The following SLC16A10 variants were observed in gnomAD, a reference collection of about 807,000 sequenced individuals.
The protein encoded by SLC16A10 is monocarboxylate transporter 10.
Under a neutral mutation model 40.0 loss-of-function variants are expected in SLC16A10, and 27 were observed. That is an observed-to-expected ratio of 0.67 (90% confidence interval 0.50 to 0.93). The LOEUF is 0.93. Among genes scored for constraint, SLC16A10 ranks in the 40% least tolerant of loss-of-function variants. The probability of loss-of-function intolerance (pLI) is 0.00; values close to 1 mark genes in which losing one functional copy is unlikely to be tolerated. For synonymous variants in SLC16A10, 213 were observed against 249.8 expected (o/e 0.85, Z 1.39); for missense variants, 529 against 658.2 (o/e 0.80, Z 2.15).
intron 4 of SLC16A10, 76 bp downstream of exon 4, chr6:111,206,811 C>T: frequency 2.0e-6 from 3 of 1,507,922 alleles, no homozygotes; most frequent in Non-Finnish European, 2.7e-6. Context: ...TACTTACATG[C>T]TTAAATTCTT....
chr6:111,118,798 T>C (rs1412737796), intron 1 of SLC16A10, among the ~76,000 whole-genome samples: 1 of 145,704 alleles, frequency 6.9e-6, no homozygotes, highest in East Asian at 1.9e-4. Flanking sequence ...GCCACCTAAT[T>C]TTACTTGCCT....
At chr6:111,107,565 A>G (rs183326752) in intron 1 of SLC16A10, among the ~76,000 whole-genome samples, 2 of 152,358 alleles carry the variant, frequency 1.3e-5, no homozygotes, top group East Asian at 3.9e-4. Context: ...AATCTTGTTC[A>G]TGCTGTAATT....
chr6:111,172,970 T>C (rs533185542), intron 2 of SLC16A10, 131 bp downstream of exon 2: 1 of 1,172,778 alleles, frequency 8.5e-7, no homozygotes, highest in African/African-American at 1.5e-5. Context: ...CAATATGACT[T>C]ATAAAACAAA....
chr6:111,098,426 T>G (rs1771115314), intron 1 of SLC16A10, among the ~76,000 whole-genome samples: 1 of 152,116 alleles, frequency 6.6e-6, no homozygotes, highest in Admixed American at 6.5e-5. Context: ...CATTAAAAAG[T>G]GTAGTAAAAT....
chr6:111,100,952 TTCTCTCCCTCTCTCTCTC>T (rs1275903089), intron 1 of SLC16A10, among the ~76,000 whole-genome samples: 37 of 81,620 alleles, frequency 4.5e-4, no homozygotes, highest in African/African-American at 1.5e-3. Context: ...CTCTCGCTCT[TTCTCTCCCTCTCTCTCTC>T]TCTCTCTCTC....
chr6:111,101,177 C>T (rs1376465979), intron 1 of SLC16A10, among the ~76,000 whole-genome samples: 8 of 151,624 alleles, frequency 5.3e-5, no homozygotes, highest in Non-Finnish European at 8.8e-5. Context: ...ACTACAGGGG[C>T]ATGCCGCTAC....
intron 1 of SLC16A10, among the ~76,000 whole-genome samples, chr6:111,124,898 T>A (rs1228733010): frequency 6.6e-6 from 1 of 152,108 alleles, no homozygotes; most frequent in Non-Finnish European, 1.5e-5. Context: ...ACTGTCAGAG[T>A]TCAAGGTCAG....
At chr6:111,162,953 C>T (rs1772397035) in intron 1 of SLC16A10, among the ~76,000 whole-genome samples, 1 of 151,944 alleles carries the variant, frequency 6.6e-6, no homozygotes, top group Admixed American at 6.6e-5. Flanking sequence ...ATGTCACAAT[C>T]TCCAAAGTTA....
rs145123749 is a variant in SLC16A10 at position 111,174,276 on chromosome 6, T to C, written c.488+1437T>C. Among the ~76,000 whole-genome samples, 54 of 152,268 alleles carry C rather than the reference T, an allele frequency of 3.5e-4. 1 individual carries two copies. In the East Asian group the frequency reaches 9.6e-3, roughly 27 times the overall value. On this transcript the variant is annotated intron_variant, in intron 2 of 5. Coordinates refer to ENST00000368851, the MANE Select transcript of SLC16A10 (RefSeq NM_018593.5). Reference sequence around the variant, plus strand: ...CTTTAGTTGAAAAGCGTTAATGTGGTCATTAAGGAAAAATAAGTCAAATTT... The same window carrying C: ...CTTTAGTTGAAAAGCGTTAATGTGGCCATTAAGGAAAAATAAGTCAAATTT...
At chr6:111,168,778 T>C (rs1772526432) in intron 1 of SLC16A10, among the ~76,000 whole-genome samples, 1 of 152,200 alleles carries the variant, frequency 6.6e-6, no homozygotes, top group Non-Finnish European at 1.5e-5. Flanking sequence ...AAAAGTGAGA[T>C]ATTTTATGTG....
At chr6:111,157,495 A>G (rs1212810712) in intron 1 of SLC16A10, among the ~76,000 whole-genome samples, 1 of 151,520 alleles carries the variant, frequency 6.6e-6, no homozygotes, top group African/African-American at 2.4e-5. Context: ...TGTTGGCCAG[A>G]CTGGTCTCTA....
At chr6:111,134,932 G>A (rs942401750) in intron 1 of SLC16A10, among the ~76,000 whole-genome samples, 2 of 152,126 alleles carry the variant, frequency 1.3e-5, no homozygotes, top group Admixed American at 6.5e-5. Flanking sequence ...CCTGGACACT[G>A]GTGTGGCCTT....
At chr6:111,201,608 C>G (rs1773169009) in intron 3 of SLC16A10, among the ~76,000 whole-genome samples, 2 of 152,118 alleles carry the variant, frequency 1.3e-5, no homozygotes, top group Non-Finnish European at 2.9e-5. Flanking sequence ...ATTCCATACA[C>G]CTTACATAAA....
intron 1 of SLC16A10, among the ~76,000 whole-genome samples, chr6:111,140,774 TTTAA>T (rs1372028451): frequency 2.0e-5 from 3 of 152,154 alleles, no homozygotes; most frequent in Non-Finnish European, 2.9e-5. Context: ...GATGATAGAA[TTTAA>T]TTAATTATTT....
At chr6:111,191,726 A>T (rs866374925) in intron 3 of SLC16A10, among the ~76,000 whole-genome samples, 1 of 152,302 alleles carries the variant, frequency 6.6e-6, no homozygotes, top group Middle Eastern at 3.4e-3. Flanking sequence ...CTGGCGTGAG[A>T]TAGTATCTCA....
intron 3 of SLC16A10, among the ~76,000 whole-genome samples, chr6:111,202,557 A>G (rs1773185093): frequency 6.6e-6 from 1 of 152,106 alleles, no homozygotes; most frequent in African/African-American, 2.4e-5. Context: ...GGAAGTGTGC[A>G]ACCCAGGATT....
At chr6:111,212,765 T>C (rs190385089) in intron 4 of SLC16A10, among the ~76,000 whole-genome samples, 44 of 149,894 alleles carry the variant, frequency 2.9e-4, no homozygotes, top group Middle Eastern at 6.9e-3. Context: ...TGCATACCAG[T>C]CTGGGTGGCA....
chr6:111,180,529 ACTGAGTAAGACCCTATCT>A (rs1772770333), intron 3 of SLC16A10, among the ~76,000 whole-genome samples: 1 of 152,184 alleles, frequency 6.6e-6, no homozygotes, highest in Non-Finnish European at 1.5e-5. Context: ...AGCCTGGGTG[ACTGAGTAAGACCCTATCT>A]CTAAAAAAAA....
At chr6:111,159,497 A>C (rs1160265278) in intron 1 of SLC16A10, among the ~76,000 whole-genome samples, 1 of 152,238 alleles carries the variant, frequency 6.6e-6, no homozygotes, top group African/African-American at 2.4e-5. Flanking sequence ...ATTCCATTAC[A>C]TAGATATACC....
Sources: gnomAD v4.1 joint callset for allele counts (sites outside exome capture counted in the v4.1 genomes callset) on GRCh38, gnomAD v4.1.1 for gene constraint, MANE v1.5 for transcripts, NCBI Gene and HGNC (gene_info 2026-07-23, HGNC 2026-07-21) for gene names.